The following NSD1 variants were observed in gnomAD, a reference collection of about 807,000 sequenced individuals.
NSD1 encodes histone-lysine N-methyltransferase, H3 lysine-36 specific.
NSD1 carries 26 observed loss-of-function variants against 242.7 expected under a neutral mutation model. The ratio of observed to expected loss-of-function variants is 0.11; its 90% confidence interval spans 0.08 to 0.15. The LOEUF (loss-of-function observed/expected upper bound fraction) is 0.15, where lower values mean the gene tolerates loss of function less well. Ranked by LOEUF, NSD1 falls within the 10% of genes least tolerant of loss-of-function variation. The pLI is 1.00. For missense variants in NSD1, 2,495 were observed against 3,272.8 expected, an observed-to-expected ratio of 0.76 and a Z score of 5.80; for synonymous variants, 1,106 against 1,178.1, an observed-to-expected ratio of 0.94 and a Z score of 1.25.
At chr5:177,165,698 A>G (rs1759129735) in intron 2 of NSD1, among the ~76,000 whole-genome samples, 1 of 152,006 alleles carries the variant, frequency 6.6e-6, no homozygotes, top group Non-Finnish European at 1.5e-5. Flanking sequence ...GGCTGAAGCA[A>G]TCCTTACCTC....
rs901852856 is a variant in NSD1 at position 177,297,174 on chromosome 5, A to AG, written c.*1718dup. The stretch of plus-strand genomic sequence containing the variant: ...CTCAGGCAGAGGGACGAGGCTGGGC[A>AG]GGGCTGTCCTGAGTTTAGGGGCCTA... On this transcript the variant is annotated 3_prime_UTR_variant, in exon 23 of 23. Coordinates refer to ENST00000439151, the MANE Select transcript of NSD1 (RefSeq NM_022455.5). 4.3e-6 allele frequency: 1 copy of AG among 232,754 alleles called. No homozygotes were observed. Among genetic ancestry groups the AG allele is most frequent in the African/African-American group, 2.2e-5 (1 of 45,332 alleles). 14.4% of individuals were successfully genotyped at this position (232,754 alleles called of 1,614,324 possible).
intron 2 of NSD1, among the ~76,000 whole-genome samples, chr5:177,185,337 G>A (rs1024966642): frequency 6.6e-6 from 1 of 151,886 alleles, no homozygotes; most frequent in African/African-American, 2.4e-5. Flanking sequence ...TGTGGCTCAC[G>A]TCTGTAATCC....
At position 177,186,008 on chromosome 5, in the gene NSD1, A is replaced by G. The variant is rs1409082585; in HGVS notation, c.928-5876A>G. Among the ~76,000 whole-genome samples the G allele has an allele frequency of 1.1e-4, 11 of 97,460 alleles. No homozygotes were observed. The South Asian group carries it at 1.7e-3, about 15-fold the overall frequency. 63.9% of individuals were successfully genotyped at this position (97,460 alleles called of 152,430 possible). Reference sequence around the variant, plus strand: ...ATATATTTTATATTATATAATTTATATTATATATTATATATTATATATTTT... The same window carrying G: ...ATATATTTTATATTATATAATTTATGTTATATATTATATATTATATATTTT... On this transcript the variant is annotated intron_variant, in intron 2 of 22. Transcript: ENST00000439151.
At chr5:177,250,049 G>A (rs1262055647) in intron 11 of NSD1, among the ~76,000 whole-genome samples, 1 of 152,222 alleles carries the variant, frequency 6.6e-6, no homozygotes, top group Non-Finnish European at 1.5e-5. Flanking sequence ...TCATGCCACT[G>A]CACTCCCACC....
Position 177,287,231 on chromosome 5 carries a change from G to A in NSD1, c.6152-1588G>A, listed in dbSNP as rs546868563. ...TTACATAGTATATGTTCAGTGAGCAGCAAGTTATGACAAGTATCCTGCTTT... is the reference window on the plus strand; with the variant it reads ...TTACATAGTATATGTTCAGTGAGCAACAAGTTATGACAAGTATCCTGCTTT... On this transcript the variant is annotated intron_variant, in intron 20 of 22. Coordinates refer to ENST00000439151, the MANE Select transcript of NSD1 (RefSeq NM_022455.5). Among the ~76,000 whole-genome samples the A allele has an allele frequency of 2.0e-5, 3 of 152,372 alleles. No individual in the cohort carries two copies. The East Asian group carries it at 5.8e-4, about 29-fold the overall frequency.
intron 14 of NSD1, among the ~76,000 whole-genome samples, chr5:177,263,214 C>G (rs552675736): frequency 6.6e-6 from 1 of 152,348 alleles, no homozygotes; most frequent in Non-Finnish European, 1.5e-5. Context: ...TTGGTTGAGA[C>G]TTGTCTGACA....
chr5:177,187,322 C>A (rs1011054544), intron 2 of NSD1, among the ~76,000 whole-genome samples: 19 of 152,020 alleles, frequency 1.2e-4, no homozygotes. Context: ...CCAGGCTGGT[C>A]TTGAACTCCT....
chr5:177,282,712 A>T lies in NSD1; in HGVS notation c.6009+131A>T. On this transcript the variant is annotated intron_variant, in intron 19 of 22. Coordinates refer to ENST00000439151, the MANE Select transcript of NSD1 (RefSeq NM_022455.5). ...TTCCCATACCCATTGGGATTGCTGGATTGGGGTTCTGGAGTAGGTAAGAGT... is the reference window on the plus strand; with the variant it reads ...TTCCCATACCCATTGGGATTGCTGGTTTGGGGTTCTGGAGTAGGTAAGAGT... 3.8e-6 allele frequency: 3 copies of T among 792,858 alleles called. No individual in the cohort carries two copies. The Middle Eastern group carries it at 6.8e-4, about 179-fold the overall frequency. The allele number at this position is 792,858 out of a possible 1,614,324, so 49.1% of individuals were successfully genotyped here. A position where few individuals can be genotyped will look rare whatever the true frequency, so the allele number is the denominator to read the frequency against.
At chr5:177,246,367 T>G (rs1766294761) in intron 9 of NSD1, among the ~76,000 whole-genome samples, 1 of 152,226 alleles carries the variant, frequency 6.6e-6, no homozygotes, top group Non-Finnish European at 1.5e-5. Context: ...CATTTCCCCT[T>G]CATCTATAGG....
intron 4 of NSD1, among the ~76,000 whole-genome samples, chr5:177,207,486 GT>G: frequency 6.7e-6 from 1 of 149,392 alleles, no homozygotes; most frequent in African/African-American, 2.5e-5. Context: ...GTTTCACCAT[GT>G]TAGCCAGGAT....
intron 3 of NSD1, among the ~76,000 whole-genome samples, chr5:177,199,533 A>G (rs558263065): frequency 1.3e-5 from 2 of 152,122 alleles, no homozygotes; most frequent in Admixed American, 1.3e-4. Flanking sequence ...TTTGGATTAT[A>G]GGCGTGAAGC....
chr5:177,275,314 G>A (rs1351940124), intron 17 of NSD1, among the ~76,000 whole-genome samples: 2 of 151,168 alleles, frequency 1.3e-5, no homozygotes, highest in South Asian at 2.1e-4. Flanking sequence ...TGTAGTAGAC[G>A]GTCTTTTATA....
chr5:177,136,113 T>G, intron 2 of NSD1, 83 bp downstream of exon 2: 2 of 1,277,034 alleles, frequency 1.6e-6, no homozygotes, highest in South Asian at 1.3e-5. Flanking sequence ...AACAAATTTG[T>G]TTTTGGTTGC....
At chr5:177,189,017 T>TG (rs1310753035) in intron 2 of NSD1, among the ~76,000 whole-genome samples, 2 of 152,106 alleles carry the variant, frequency 1.3e-5, no homozygotes, top group Non-Finnish European at 2.9e-5. Flanking sequence ...CACTCCAGCC[T>TG]GGGAGGCAGA....
Position 177,211,009 on chromosome 5 carries a change from A to G in NSD1, c.2610A>G (p.Arg870=), listed in dbSNP as rs1403872497. 6.2e-7 allele frequency: 1 copy of G among 1,614,150 alleles called. No homozygotes were observed. The highest frequency in any genetic ancestry group is 8.5e-7 in the Non-Finnish European group (1 of 1,180,004). Residue 870 remains arginine (R), a synonymous_variant, in exon 5 of 23, where the codon AGA becomes AGG. Coordinates refer to ENST00000439151, the MANE Select transcript of NSD1 (RefSeq NM_022455.5). ...VLSELKELSY[R]SLGEDVSDSG... is the part of the protein sequence containing the mutation. The stretch of plus-strand genomic sequence containing the variant: ...CCGAGTTGAAGGAACTCTCTTACAG[A>G]TCCTTAGGTGAGGATGTCAGTGACT...
intron 5 of NSD1, among the ~76,000 whole-genome samples, chr5:177,229,239 T>A (rs1456810987): frequency 1.3e-5 from 2 of 152,216 alleles, no homozygotes; most frequent in Admixed American, 1.3e-4. Context: ...TGGTAGTGTA[T>A]ACTCTGAGGT....
At chr5:177,158,486 C>T (rs1250905646) in intron 2 of NSD1, among the ~76,000 whole-genome samples, 4 of 151,328 alleles carry the variant, frequency 2.6e-5, no homozygotes, top group Non-Finnish European at 4.4e-5. Context: ...TACAGGCGCC[C>T]GCCACCACGC....
intron 5 of NSD1, among the ~76,000 whole-genome samples, chr5:177,213,513 G>A (rs1461654093): frequency 1.3e-5 from 2 of 152,160 alleles, no homozygotes; most frequent in African/African-American, 4.8e-5. Flanking sequence ...TGTTACCCAG[G>A]CTGGAGTGCC....
At chr5:177,281,689 GT>G (rs776536154) in intron 18 of NSD1, among the ~76,000 whole-genome samples, 1 of 152,132 alleles carries the variant, frequency 6.6e-6, no homozygotes, top group Non-Finnish European at 1.5e-5. Context: ...GTCTCACTCT[GT>G]CGCCCAAACT....
Sources: gnomAD v4.1 joint callset for allele counts (sites outside exome capture counted in the v4.1 genomes callset) on GRCh38, gnomAD v4.1.1 for gene constraint, MANE v1.5 for transcripts, NCBI Gene and HGNC (gene_info 2026-07-23, HGNC 2026-07-21) for gene names.